The following ENTREP2 variants were observed in gnomAD, a reference collection of about 807,000 sequenced individuals.
ENTREP2 encodes protein ENTREP2.
At chr15:29,535,504 A>G in the ENTREP2 span, among the ~76,000 whole-genome samples, 1 of 152,158 alleles carries the variant, frequency 6.6e-6, no homozygotes, top group East Asian at 1.9e-4. Context: ...TAGCCTGGTG[A>G]GACCCTGTCT....
the ENTREP2 span, among the ~76,000 whole-genome samples, chr15:29,383,019 C>T: frequency 1.3e-5 from 2 of 152,214 alleles, no homozygotes; most frequent in African/African-American, 4.8e-5. Context: ...TCCCACTTCC[C>T]AGGGGCCGCT....
the ENTREP2 span, among the ~76,000 whole-genome samples, chr15:29,506,912 C>A: frequency 1.1e-4 from 17 of 152,112 alleles, no homozygotes; most frequent in African/African-American, 4.1e-4. Context: ...ATAATATTAA[C>A]CTTAAATGTA....
the ENTREP2 span, among the ~76,000 whole-genome samples, chr15:29,622,079 GAC>G: frequency 2.0e-5 from 3 of 152,204 alleles, no homozygotes; most frequent in African/African-American, 4.8e-5. Context: ...AGGGGATGGG[GAC>G]ACAGTTTCAG....
chr15:29,662,555 AC>A, the ENTREP2 span, among the ~76,000 whole-genome samples: 2 of 152,028 alleles, frequency 1.3e-5, no homozygotes, highest in Non-Finnish European at 2.9e-5. Flanking sequence ...ACACCCTGCA[AC>A]CTGGCTCCAG....
At chr15:29,348,629 A>G in the ENTREP2 span, among the ~76,000 whole-genome samples, 2 of 152,190 alleles carry the variant, frequency 1.3e-5, no homozygotes, top group African/African-American at 4.8e-5. Context: ...AGGTTCGCAA[A>G]AGTAGCTCTG....
chr15:29,301,256 C>T, the ENTREP2 span, among the ~76,000 whole-genome samples: 26,414 of 152,118 alleles, frequency 0.17, 2,851 homozygotes, highest in Non-Finnish European at 0.24. Context: ...TTTTATTTAA[C>T]AGAATCGAGA....
the ENTREP2 span, among the ~76,000 whole-genome samples, chr15:29,653,583 C>T: frequency 6.6e-6 from 1 of 152,194 alleles, no homozygotes; most frequent in African/African-American, 2.4e-5. Context: ...GGTAGTTCCT[C>T]CTGCATTCCT....
At chr15:29,319,749 C>CCGGCTGAGGGAATGCACAGGGTA in the ENTREP2 span, among the ~76,000 whole-genome samples, 6 of 152,250 alleles carry the variant, frequency 3.9e-5, no homozygotes, top group African/African-American at 1.4e-4. Flanking sequence ...TGCACAGGGT[C>CCGGCTGAGGGAATGCACAGGGTA]CCGGCTGAGA....
the ENTREP2 span, among the ~76,000 whole-genome samples, chr15:29,301,198 T>C: frequency 1.2e-4 from 18 of 152,194 alleles, no homozygotes; most frequent in Non-Finnish European, 2.2e-4. Context: ...TCTTTACAAT[T>C]CTTGCTACCT....
chr15:29,401,893 C>T, the ENTREP2 span, among the ~76,000 whole-genome samples: 20 of 152,132 alleles, frequency 1.3e-4, no homozygotes, highest in African/African-American at 4.8e-4. Flanking sequence ...ACTGAAGGAT[C>T]TCTGTGTAAA....
At chr15:29,549,220 T>A in the ENTREP2 span, among the ~76,000 whole-genome samples, 1 of 152,160 alleles carries the variant, frequency 6.6e-6, no homozygotes, top group South Asian at 2.1e-4. Context: ...GGCTGCCTGA[T>A]TCTAGAATCA....
the ENTREP2 span, among the ~76,000 whole-genome samples, chr15:29,300,672 C>T: frequency 0.16 from 24,661 of 152,020 alleles, 3,353 homozygotes; most frequent in African/African-American, 0.38. Context: ...GATCTCGGCT[C>T]ACTGCAACCT....
the ENTREP2 span, among the ~76,000 whole-genome samples, chr15:29,147,983 C>T: frequency 2.2e-3 from 332 of 152,256 alleles, no homozygotes; most frequent in Non-Finnish European, 2.8e-3. Flanking sequence ...AATGTTGGTA[C>T]ATGTAGAAAC....
chr15:29,342,209 G>C, the ENTREP2 span, among the ~76,000 whole-genome samples: 1 of 152,314 alleles, frequency 6.6e-6, no homozygotes, highest in East Asian at 1.9e-4. Context: ...CGGACTGCAG[G>C]TAACTTTTGA....
At chr15:29,272,331 A>G in the ENTREP2 span, among the ~76,000 whole-genome samples, 1 of 152,182 alleles carries the variant, frequency 6.6e-6, no homozygotes, top group Admixed American at 6.5e-5. Flanking sequence ...ATAACCGACA[A>G]CAGCCAATGA....
At chr15:29,378,134 C>T in the ENTREP2 span, among the ~76,000 whole-genome samples, 88 of 151,548 alleles carry the variant, frequency 5.8e-4, no homozygotes, top group Admixed American at 9.2e-4. Flanking sequence ...AGTCCTAGCT[C>T]ATTACTTAAG....
chr15:29,206,674 ATG>A, the ENTREP2 span, among the ~76,000 whole-genome samples: 1 of 152,206 alleles, frequency 6.6e-6, no homozygotes, highest in South Asian at 2.1e-4. Flanking sequence ...CATAAAGGGT[ATG>A]GTATGTTTTT....
At chr15:29,221,326 C>T in the ENTREP2 span, among the ~76,000 whole-genome samples, 1 of 152,032 alleles carries the variant, frequency 6.6e-6, no homozygotes, top group African/African-American at 2.4e-5. Context: ...CTCAGCCTCC[C>T]AAGTAGCTGG....
chr15:29,509,894 T>C, the ENTREP2 span, among the ~76,000 whole-genome samples: 2 of 152,082 alleles, frequency 1.3e-5, no homozygotes, highest in Admixed American at 6.5e-5. Context: ...AAAGCCAAAA[T>C]TGACAAATGG....
Sources: gnomAD v4.1 joint callset for allele counts (sites outside exome capture counted in the v4.1 genomes callset) on GRCh38, gnomAD v4.1.1 for gene constraint, MANE v1.5 for transcripts, NCBI Gene and HGNC (gene_info 2026-07-23, HGNC 2026-07-21) for gene names.